STX18: variants seen among roughly 807,000 people sequenced by gnomAD.
STX18 encodes syntaxin 18.
Under a neutral mutation model 50.1 loss-of-function variants are expected in STX18, and 40 were observed. The observed-to-expected ratio is 0.80, with a 90% confidence interval of 0.62 to 1.04. The LOEUF (loss-of-function observed/expected upper bound fraction) is 1.04, where lower values mean the gene tolerates loss of function less well. Ranked by LOEUF, STX18 falls within the 50% of genes least tolerant of loss-of-function variation. The probability of loss-of-function intolerance (pLI) is 0.00; values close to 1 mark genes in which losing one functional copy is unlikely to be tolerated. For synonymous variants in STX18, 158 were observed against 151.8 expected (o/e 1.04, Z -0.30); for missense variants, 410 against 415.8 (o/e 0.99, Z 0.12).
In STX18 at chr4:4,425,351, C is replaced by T. The variant is rs1473777013; in HGVS notation, c.703-129G>A. 17 of 779,758 alleles carry T rather than the reference C, an allele frequency of 2.2e-5. 1 individual carries two copies. Among genetic ancestry groups the T allele is most frequent in the East Asian group, 7.7e-5 (3 of 39,000 alleles). The allele number at this position is 779,758 out of a possible 1,614,324, so 48.3% of individuals were successfully genotyped here. On this transcript the variant is annotated intron_variant, in intron 7 of 10. Coordinates refer to ENST00000306200, the MANE Select transcript of STX18 (RefSeq NM_016930.4). The stretch of plus-strand genomic sequence containing the variant: ...TTTCCAGCTGCGGCAACGTGGCAGC[C>T]GGTGCTGGACGACCGTTAGCATTAG...
intron 1 of STX18, among the ~76,000 whole-genome samples, chr4:4,515,748 T>C (rs1489015898): frequency 6.6e-6 from 1 of 152,132 alleles, no homozygotes; most frequent in Non-Finnish European, 1.5e-5. Context: ...ATAAATTATT[T>C]TTTCCTAGCA....
chr4:4,499,618 A>G, intron 1 of STX18: 1 of 768,452 alleles, frequency 1.3e-6, no homozygotes, highest in Non-Finnish European at 1.6e-6. Flanking sequence ...ATTATTCAAT[A>G]GCTAATCCAA....
At chr4:4,511,630 T>C (rs767548169) in intron 1 of STX18, among the ~76,000 whole-genome samples, 11 of 151,824 alleles carry the variant, frequency 7.2e-5, no homozygotes, top group Non-Finnish European at 1.5e-4. Context: ...GATGGCGTAT[T>C]TGTATACTAG....
intron 4 of STX18, 26 bp downstream of exon 4, chr4:4,457,397 T>G (rs771322961): frequency 1.9e-5 from 30 of 1,602,672 alleles, no homozygotes; most frequent in Non-Finnish European, 2.4e-5. Context: ...AATGTTACAT[T>G]TGACCTTTAA....
intron 2 of STX18, among the ~76,000 whole-genome samples, chr4:4,459,777 C>T (rs73796012): frequency 0.021 from 3,143 of 152,208 alleles, 104 homozygotes; most frequent in African/African-American, 0.072. Flanking sequence ...CAGCATAAGC[C>T]AGGCTTATAA....
At chr4:4,492,244 A>G (rs1728975412) in intron 1 of STX18, among the ~76,000 whole-genome samples, 1 of 152,160 alleles carries the variant, frequency 6.6e-6, no homozygotes, top group Admixed American at 6.6e-5. Context: ...TTTAATTAAA[A>G]TCAGAGCTCA....
chr4:4,446,473 A>G (rs191218209), intron 5 of STX18, among the ~76,000 whole-genome samples: 311 of 152,374 alleles, frequency 2.0e-3, no homozygotes, highest in Admixed American at 6.5e-3. Flanking sequence ...CAGCCAAACA[A>G]TCCTCTAATA....
At chr4:4,424,440 C>A (rs375334547) in intron 8 of STX18, among the ~76,000 whole-genome samples, 2 of 83,504 alleles carry the variant, frequency 2.4e-5, no homozygotes, top group African/African-American at 9.5e-5. Flanking sequence ...GGGGGAGTAG[C>A]GGGGTGGGGG....
intron 5 of STX18, among the ~76,000 whole-genome samples, chr4:4,456,243 G>A (rs1727061561): frequency 6.6e-6 from 1 of 151,742 alleles, no homozygotes; most frequent in African/African-American, 2.4e-5. Context: ...GGGAGACAGG[G>A]TGAGACCCTG....
chr4:4,422,099 T>A (rs970421423), intron 9 of STX18, among the ~76,000 whole-genome samples: 1 of 152,196 alleles, frequency 6.6e-6, no homozygotes, highest in African/African-American at 2.4e-5. Context: ...TGGCCTCTGA[T>A]TCCCAGCAAT....
chr4:4,426,518 G>A (rs972183619), intron 7 of STX18: 6 of 152,188 alleles, frequency 3.9e-5, no homozygotes, highest in African/African-American at 1.4e-4. Context: ...TCAACAGCCT[G>A]ACCTTGTTGC....
intron 1 of STX18, among the ~76,000 whole-genome samples, chr4:4,529,918 T>C (rs576795828): frequency 2.1e-4 from 32 of 152,152 alleles, no homozygotes; most frequent in African/African-American, 4.3e-4. Context: ...TTTTCTCATA[T>C]AGATTAAGAA....
At chr4:4,445,748 CCA>C (rs138863386) in intron 5 of STX18, among the ~76,000 whole-genome samples, 1,682 of 152,258 alleles carry the variant, frequency 0.011, 33 homozygotes, top group African/African-American at 0.037. Context: ...GTTAAGATGT[CCA>C]TTCTCCCCAA....
intron 5 of STX18, among the ~76,000 whole-genome samples, chr4:4,446,233 A>G (rs1267681798): frequency 6.6e-6 from 1 of 152,190 alleles, no homozygotes; most frequent in Non-Finnish European, 1.5e-5. Flanking sequence ...ACCTAAACAT[A>G]CCACCCAGAA....
chr4:4,435,532 A>G (rs1725730453), intron 6 of STX18, among the ~76,000 whole-genome samples: 1 of 152,228 alleles, frequency 6.6e-6, no homozygotes. Context: ...TTATTGATAC[A>G]TCTTGGAGAT....
chr4:4,492,144 T>C (rs1728971541), intron 1 of STX18, among the ~76,000 whole-genome samples: 2 of 152,112 alleles, frequency 1.3e-5, no homozygotes, highest in South Asian at 4.1e-4. Context: ...ACAAAAATCT[T>C]TGTTTTAAAG....
At chr4:4,444,943 G>A (rs906232208) in intron 5 of STX18, among the ~76,000 whole-genome samples, 2 of 152,172 alleles carry the variant, frequency 1.3e-5, no homozygotes, top group African/African-American at 4.8e-5. Context: ...GCAAGGAAAA[G>A]ATGTCCATCC....
intron 1 of STX18, among the ~76,000 whole-genome samples, chr4:4,483,995 G>C (rs542777457): frequency 6.6e-6 from 1 of 152,202 alleles, no homozygotes; most frequent in South Asian, 2.1e-4. Flanking sequence ...CCGAGTAGCT[G>C]GGACTACAGG....
At chr4:4,490,469 C>T (rs993174542) in intron 1 of STX18, among the ~76,000 whole-genome samples, 1 of 152,162 alleles carries the variant, frequency 6.6e-6, no homozygotes. Context: ...TATTCATTCT[C>T]TATACAGTGG....
Sources: allele counts gnomAD v4.1 joint callset (sites outside exome capture counted in the v4.1 genomes callset), GRCh38; gene constraint gnomAD v4.1.1; transcripts MANE v1.5; gene names NCBI Gene and HGNC (gene_info 2026-07-23, HGNC 2026-07-21).